The following USP12 variants were observed in gnomAD, a reference collection of about 807,000 sequenced individuals.
USP12 encodes the protein ubiquitin specific peptidase 12.
USP12 carries 19 observed loss-of-function variants against 45.5 expected under a neutral mutation model. The ratio of observed to expected loss-of-function variants is 0.42; its 90% CI spans 0.29 to 0.61. The LOEUF is 0.61. Ranked by LOEUF, USP12 falls within the 20% of genes least tolerant of loss-of-function variation. The probability of loss-of-function intolerance (pLI) is 0.22; values close to 1 mark genes in which losing one functional copy is unlikely to be tolerated. For missense variants in USP12, 242 were observed against 447.7 expected (o/e 0.54, Z 4.15); for synonymous variants, 149 against 148.8 (o/e 1.00, Z -0.01).
intron 1 of USP12, among the ~76,000 whole-genome samples, chr13:27,135,205 A>AGCT: frequency 6.6e-6 from 1 of 152,114 alleles, no homozygotes. Flanking sequence ...AAAAATCAAT[A>AGCT]GCTGAAGGCA....
At chr13:27,167,620 G>A (rs1479508444) in intron 1 of USP12, among the ~76,000 whole-genome samples, 1 of 151,388 alleles carries the variant, frequency 6.6e-6, no homozygotes, top group African/African-American at 2.4e-5. Context: ...GTAAAACAAT[G>A]GCAACTCACA....
intron 2 of USP12, among the ~76,000 whole-genome samples, chr13:27,114,107 G>A (rs1293718699): frequency 1.3e-5 from 2 of 152,014 alleles, no homozygotes; most frequent in African/African-American, 4.8e-5. Context: ...GACAGGAAAA[G>A]CATATTTCAC....
chr13:27,090,317 C>T (rs1874252805), intron 4 of USP12, among the ~76,000 whole-genome samples, 159 bp from the exon 5 acceptor site: 1 of 152,120 alleles, frequency 6.6e-6, no homozygotes, highest in South Asian at 2.1e-4. Flanking sequence ...TCCAAAAGGA[C>T]ACTGAATAAA....
chr13:27,169,137 G>A (rs777127389), intron 1 of USP12: 10 of 152,130 alleles, frequency 6.6e-5, no homozygotes, highest in Non-Finnish European at 1.2e-4. Context: ...CCCCTTCAAG[G>A]CCCTCACAAT....
intron 6 of USP12, among the ~76,000 whole-genome samples, chr13:27,088,906 C>T (rs1473350209): frequency 6.6e-6 from 1 of 152,108 alleles, no homozygotes; most frequent in Non-Finnish European, 1.5e-5. Context: ...ACACATGGCA[C>T]AAATCAAGTC....
rs772380947 is a variant in USP12, at chr13:27,069,273, C to T, written c.*10G>A. ...TGAGGCAGAAAGTGTCTCTTCATCA[C>T]GGTTCCCTCTCAGTCCCGAGACTGA... is the stretch of plus-strand genomic sequence containing the variant. On this transcript the variant is annotated 3_prime_UTR_variant, in exon 9 of 9. Transcript: ENST00000282344. 6.3e-6 allele frequency: 10 copies of T among 1,598,428 alleles called. No homozygotes were observed. Among genetic ancestry groups the T allele is most frequent in the South Asian group, 2.2e-5 (2 of 90,718 alleles).
intron 4 of USP12, among the ~76,000 whole-genome samples, chr13:27,093,212 A>G (rs1010147748): frequency 1.1e-4 from 17 of 152,090 alleles, no homozygotes; most frequent in African/African-American, 4.1e-4. Context: ...CACTCTGCCA[A>G]AAACAGTGTT....
intron 1 of USP12, chr13:27,117,807 T>A (rs1236831957): frequency 1.9e-6 from 1 of 517,878 alleles, no homozygotes; most frequent in Non-Finnish European, 3.9e-6. Context: ...AAGAACGTGA[T>A]CAACTCAATT....
At chr13:27,148,915 T>C (rs1309117368) in intron 1 of USP12, among the ~76,000 whole-genome samples, 1 of 151,766 alleles carries the variant, frequency 6.6e-6, no homozygotes, top group African/African-American at 2.4e-5. Context: ...CCAGATACAA[T>C]GGCTCATGTC....
rs7333284 is a variant in USP12, at chr13:27,070,244, G to A, written c.1011+827C>T. ...GTGAGTCCATTTATATTCAAGCCTA[G>A]GCAAAATTAATCATAATGATAGAAG... On this transcript the variant is annotated intron_variant, in intron 8 of 8. Transcript: ENST00000282344. Among the ~76,000 whole-genome samples the A allele has an allele frequency of 4.9e-3, 744 of 152,230 alleles. 5 individuals carry two copies. Among genetic ancestry groups the A allele is most frequent in the African/African-American group, 0.017 (701 of 41,552 alleles).
rs76167913 is a variant in USP12 at position 27,134,167 on chromosome 13, C to T, written c.49-17571G>A. Among the ~76,000 whole-genome samples, 208 of 152,234 alleles carry T rather than the reference C, an allele frequency of 1.4e-3. 2 individuals are homozygous for T. The East Asian group carries it at 0.032, about 24-fold the overall frequency. On this transcript the variant is annotated intron_variant, in intron 1 of 8. Coordinates refer to ENST00000282344, the MANE Select transcript of USP12 (RefSeq NM_182488.4). ...AAAAATAAATGTTTAATTAGTCACA[C>T]ATTATGACTGAAATGTGTGACTGCC... is the stretch of plus-strand genomic sequence containing the variant.
rs188819409 is a variant in USP12 at position 27,161,623 on chromosome 13, C to T, written c.48+9969G>A. ...TACAGGCCAGGTGCAGTGGTTCACACGTGTAATTGCAGCATTTTGGGAGGC... is the reference window on the plus strand; with the variant it reads ...TACAGGCCAGGTGCAGTGGTTCACATGTGTAATTGCAGCATTTTGGGAGGC... On this transcript the variant is annotated intron_variant, in intron 1 of 8. Transcript: ENST00000282344. Among the ~76,000 whole-genome samples the T allele has an allele frequency of 2.9e-3, 442 of 152,232 alleles. 1 individual carries two copies. Among genetic ancestry groups the T allele is most frequent in the African/African-American group, 0.01 (427 of 41,510 alleles).
intron 1 of USP12, among the ~76,000 whole-genome samples, chr13:27,149,506 T>C (rs1044751220): frequency 3.9e-5 from 6 of 152,186 alleles, no homozygotes; most frequent in African/African-American, 1.4e-4. Context: ...AAATTACTAC[T>C]AGAATAAACG....
In USP12 at chr13:27,109,502, C is replaced by A. The variant is rs556097449; in HGVS notation, c.130-3558G>T. 4.7e-4 allele frequency among the ~76,000 whole-genome samples: 72 copies of A among 152,214 alleles called. 1 individual carries two copies. In the South Asian group the frequency reaches 0.015, roughly 31 times the overall value. On this transcript the variant is annotated intron_variant, in intron 2 of 8. Transcript: ENST00000282344. ...GGGAATAGTCTCTAGGACAGATGAC[C>A]TAGTTTCTCCACAAATTGATGACTT...
At chr13:27,155,158 T>G (rs1417941527) in intron 1 of USP12, among the ~76,000 whole-genome samples, 2 of 132,432 alleles carry the variant, frequency 1.5e-5, no homozygotes, top group Non-Finnish European at 3.1e-5. Flanking sequence ...CTCGGCTCAT[T>G]GCAACCTCCG....
chr13:27,116,126 C>T (rs1186137426), intron 2 of USP12, among the ~76,000 whole-genome samples: 3 of 152,034 alleles, frequency 2.0e-5, no homozygotes, highest in Admixed American at 6.5e-5. Flanking sequence ...TCCTGGCTAA[C>T]ACGGTGAAAC....
chr13:27,155,313 C>T (rs1001670515), intron 1 of USP12, among the ~76,000 whole-genome samples: 5 of 151,874 alleles, frequency 3.3e-5, no homozygotes, highest in Non-Finnish European at 5.9e-5. Context: ...GATCTCCTGA[C>T]CTCGTGATCT....
At chr13:27,128,553 G>T (rs1876349249) in intron 1 of USP12, among the ~76,000 whole-genome samples, 1 of 152,194 alleles carries the variant, frequency 6.6e-6, no homozygotes. Context: ...GGCAAGATGT[G>T]TTTTTTCAGC....
At chr13:27,152,586 G>A (rs1431573791) in intron 1 of USP12, among the ~76,000 whole-genome samples, 1 of 152,122 alleles carries the variant, frequency 6.6e-6, no homozygotes, top group African/African-American at 2.4e-5. Flanking sequence ...CCACTAAATT[G>A]TACACTTTAA....
Sources: gnomAD v4.1 joint callset for allele counts (sites outside exome capture counted in the v4.1 genomes callset) on GRCh38, gnomAD v4.1.1 for gene constraint, MANE v1.5 for transcripts, NCBI Gene and HGNC (gene_info 2026-07-23, HGNC 2026-07-21) for gene names.